The following TENM3 variants were observed in gnomAD, a reference collection of about 807,000 sequenced individuals.
The protein encoded by TENM3 is teneurin-3.
Under a neutral mutation model 255.1 loss-of-function variants are expected in TENM3, and 63 were observed. That is an observed-to-expected ratio of 0.25 (90% CI 0.20 to 0.30). The LOEUF is 0.30. Among genes scored for constraint, TENM3 ranks in the 10% least tolerant of loss-of-function variants. The pLI, the probability that TENM3 is intolerant of heterozygous loss-of-function variation, is 1.00. For synonymous variants in TENM3, 1,306 were observed against 1,322.3 expected, an observed-to-expected ratio of 0.99 and a Z score of 0.27; for missense variants, 2,929 against 3,461.1, an observed-to-expected ratio of 0.85 and a Z score of 3.86.
At chr4:182,448,979 C>G (rs913303169) in intron 3 of TENM3, 22 of 398,790 alleles carry the variant, frequency 5.5e-5, no homozygotes, top group African/African-American at 3.5e-4. Flanking sequence ...GCGCGCAGCC[C>G]GAGCCCGGAG....
In TENM3 at chr4:182,799,773, C is replaced by A. The variant is rs1411090074; in HGVS notation, c.7522C>A (p.Arg2508Ser). The A allele has an allele frequency of 6.3e-7, 1 of 1,586,884 alleles. No homozygotes were observed. The highest frequency in any genetic ancestry group is 1.2e-5 in the South Asian group (1 of 86,806). ...KGVMLAVSQG[R>S]VQTNVLNIAN... is the part of the protein sequence containing the mutation. ...CGTCATGCTGGCCGTCAGCCAGGGC[C>A]GCGTGCAGACCAACGTGCTCAACAT... Residue 2508 changes from arginine (R) to serine (S), a missense_variant, in exon 28 of 28, where the codon CGC (arginine) becomes AGC (serine). Transcript: ENST00000511685. The surrounding 1 kb of genome is among the most constrained non-coding windows in gnomAD (Gnocchi z 4.2).
the TENM3 span, among the ~76,000 whole-genome samples, chr4:181,471,333 T>C: frequency 6.6e-6 from 1 of 152,200 alleles, no homozygotes; most frequent in Non-Finnish European, 1.5e-5. Flanking sequence ...ATCCACTTTG[T>C]TGGAGATTAT....
chr4:181,591,962 A>G, the TENM3 span, among the ~76,000 whole-genome samples: 1 of 152,182 alleles, frequency 6.6e-6, no homozygotes, highest in Non-Finnish European at 1.5e-5. Context: ...AAGCCAGAAA[A>G]AAAAAAAGAG....
the TENM3 span, among the ~76,000 whole-genome samples, chr4:181,719,444 G>A: frequency 1.3e-5 from 2 of 152,098 alleles, no homozygotes; most frequent in Non-Finnish European, 2.9e-5. Flanking sequence ...TCTGGAGATG[G>A]GAAGTCCGAG....
At chr4:182,253,291 G>C (rs1048748312) in intron 1 of TENM3, among the ~76,000 whole-genome samples, 1 of 152,122 alleles carries the variant, frequency 6.6e-6, no homozygotes, top group Non-Finnish European at 1.5e-5. Context: ...GGCCAACATG[G>C]TGAAACCATA....
chr4:181,528,499 G>T, the TENM3 span, among the ~76,000 whole-genome samples: 5 of 152,260 alleles, frequency 3.3e-5, no homozygotes, highest in South Asian at 8.3e-4. Context: ...CTAAATTATT[G>T]ACTTTTTGCT....
chr4:182,161,829 A>ACATATATGAG (rs1491524974), intron 1 of TENM3, among the ~76,000 whole-genome samples: 1 of 23,514 alleles, frequency 4.3e-5, no homozygotes, highest in Admixed American at 5.2e-4. Flanking sequence ...ATATATACAC[A>ACATATATGAG]TATATATGTG....
chr4:182,081,499 G>A, the TENM3 span, among the ~76,000 whole-genome samples: 11 of 148,470 alleles, frequency 7.4e-5, no homozygotes, highest in African/African-American at 1.5e-4. Context: ...CAGAAGAATC[G>A]CTTAAACCCG....
At chr4:182,186,248 C>A (rs1753144475) in intron 1 of TENM3, among the ~76,000 whole-genome samples, 1 of 152,068 alleles carries the variant, frequency 6.6e-6, no homozygotes, top group African/African-American at 2.4e-5. Context: ...TCATATTAAT[C>A]TTTTGTCAAT....
chr4:181,928,563 C>T, the TENM3 span, among the ~76,000 whole-genome samples: 3 of 151,548 alleles, frequency 2.0e-5, no homozygotes, highest in African/African-American at 7.3e-5. Context: ...GATGGGTGTG[C>T]CTGAAAGTGA....
rs545805423 is a variant in TENM3, at chr4:182,229,264, G to C, written c.-76+84510G>C. Among the ~76,000 whole-genome samples the C allele has an allele frequency of 2.6e-5, 4 of 152,206 alleles. No homozygotes were observed. The South Asian group carries it at 8.3e-4, about 32-fold the overall frequency. On this transcript the variant is annotated intron_variant, in intron 1 of 2. Coordinates refer to the TENM3 transcript ENST00000512480. ...GGCGAGGACTTGGGAGGAGTTTCAGGAAAATCATTCTTCACATTTTAGAGG... is the reference window on the plus strand; with the variant it reads ...GGCGAGGACTTGGGAGGAGTTTCAGCAAAATCATTCTTCACATTTTAGAGG...
the TENM3 span, among the ~76,000 whole-genome samples, chr4:181,710,555 A>C: frequency 6.6e-5 from 10 of 152,044 alleles, no homozygotes; most frequent in Admixed American, 5.2e-4. Context: ...ATCTCTACTA[A>C]AAACGCAAAA....
chr4:182,774,844 C>T (rs1031572876), intron 23 of TENM3, 74 bp from the exon 24 acceptor site: 1 of 1,066,406 alleles, frequency 9.4e-7, no homozygotes, highest in Admixed American at 2.2e-5. Flanking sequence ...AATTTAGAAC[C>T]TATCTCACGG....
chr4:182,699,164 T>A (rs1757655347), intron 12 of TENM3, among the ~76,000 whole-genome samples: 1 of 152,248 alleles, frequency 6.6e-6, no homozygotes, highest in Non-Finnish European at 1.5e-5. Context: ...TGAGTCCCAA[T>A]AGCTATTGCT....
At chr4:181,597,977 G>C in the TENM3 span, among the ~76,000 whole-genome samples, 3 of 152,184 alleles carry the variant, frequency 2.0e-5, no homozygotes, top group African/African-American at 7.2e-5. Flanking sequence ...ATACCATTCT[G>C]TGGGTCATCC....
At chr4:182,478,253 T>A (rs1473595963) in intron 3 of TENM3, among the ~76,000 whole-genome samples, 1 of 152,132 alleles carries the variant, frequency 6.6e-6, no homozygotes, top group Non-Finnish European at 1.5e-5. Context: ...ACCAGTCCAG[T>A]AAAATTAAAG....
chr4:181,635,236 A>G, the TENM3 span, among the ~76,000 whole-genome samples: 1 of 152,336 alleles, frequency 6.6e-6, no homozygotes, highest in South Asian at 2.1e-4. Context: ...TAATTATTAC[A>G]TAATTAATAT....
rs941267538 is a variant in TENM3, at chr4:182,751,997, G to A, written c.3827G>A (p.Gly1276Glu). The A allele has an allele frequency of 4.3e-6, 7 of 1,612,396 alleles. No homozygotes were observed. In the African/African-American group the frequency reaches 9.4e-5, roughly 22 times the overall value. Residue 1276 changes from glycine (G) to glutamate (E), a missense_variant, in exon 20 of 28, where the codon GGG becomes GAG. Gly to Glu is a moderately conservative substitution (Grantham distance 98). Coordinates refer to ENST00000511685, the MANE Select transcript of TENM3 (RefSeq NM_001080477.4). The stretch of plus-strand genomic sequence containing the variant: ...GACGAGGCGAGATGTGGGGATGGAG[G>A]GAAGGCCGTGGAAGCCACACTCATG... ...PFDEARCGDG[G>E]KAVEATLMSP... is the part of the protein sequence containing the mutation.
chr4:182,521,487 T>A (rs779779815), intron 3 of TENM3, among the ~76,000 whole-genome samples: 1 of 152,216 alleles, frequency 6.6e-6, no homozygotes, highest in Middle Eastern at 3.2e-3. Context: ...AATTAAGAGA[T>A]AACTGTCTCC....
Sources: allele counts gnomAD v4.1 joint callset (sites outside exome capture counted in the v4.1 genomes callset), GRCh38; gene constraint gnomAD v4.1.1; non-coding constraint Gnocchi (gnomAD v3.1); transcripts MANE v1.5; gene names NCBI Gene and HGNC (gene_info 2026-07-23, HGNC 2026-07-21).